Variants in PEBP4 observed in about 807,000 individuals in gnomAD.
The protein encoded by PEBP4 is phosphatidylethanolamine binding protein 4, also known as phosphatidylethanolamine-binding protein 4.
A neutral mutation model predicts 23.9 loss-of-function variants in PEBP4; 22 were observed. The ratio of observed to expected loss-of-function variants is 0.92; its 90% confidence interval spans 0.66 to 1.31. PEBP4 has a LOEUF of 1.31. Among genes scored for constraint, PEBP4 ranks in the 40% most tolerant of loss-of-function variants. The pLI, the probability that PEBP4 is intolerant of heterozygous loss-of-function variation, is 0.00. For missense variants in PEBP4, 324 were observed against 281.7 expected, an observed-to-expected ratio of 1.15 and a Z score of -1.07; for synonymous variants, 112 against 99.3, an observed-to-expected ratio of 1.13 and a Z score of -0.76.
intron 4 of PEBP4, among the ~76,000 whole-genome samples, chr8:22,759,445 G>A (rs1202929961): frequency 6.6e-6 from 1 of 151,584 alleles, no homozygotes; most frequent in African/African-American, 2.4e-5. Context: ...TCTGCATATC[G>A]GGCGCTGGGC....
At position 22,842,694 on chromosome 8, in the gene PEBP4, C is replaced by T. The variant is rs527249541; in HGVS notation, c.259-24959G>A. ...CAGGGCCGTTCCTACTGCCATAAGA[C>T]GCAGGGCTGGCTTCACCTGCGTGCA... is the stretch of plus-strand genomic sequence containing the variant. On this transcript the variant is annotated intron_variant, in intron 3 of 6. Transcript: ENST00000256404. 1.3e-4 allele frequency among the ~76,000 whole-genome samples: 20 copies of T among 152,296 alleles called. No individual in the cohort carries two copies. The East Asian group carries it at 2.3e-3, about 18-fold the overall frequency.
At chr8:22,939,459 A>T (rs2430817) in intron 1 of PEBP4, among the ~76,000 whole-genome samples, 1 of 152,046 alleles carries the variant, frequency 6.6e-6, no homozygotes, top group Admixed American at 6.6e-5. Flanking sequence ...TATTATTCTT[A>T]ATTGGCCTTA....
At chr8:22,765,012 A>G (rs1805578133) in intron 4 of PEBP4, among the ~76,000 whole-genome samples, 1 of 152,042 alleles carries the variant, frequency 6.6e-6, no homozygotes, top group Non-Finnish European at 1.5e-5. Flanking sequence ...GGTCCTGCAA[A>G]TCGCGGTTCT....
intron 4 of PEBP4, chr8:22,815,051 G>A (rs1806709643): frequency 6.6e-6 from 1 of 152,128 alleles, no homozygotes; most frequent in African/African-American, 2.4e-5. Context: ...GCGGATTGAA[G>A]ACTCACCTCT....
chr8:22,880,269 T>C (rs1808219837), intron 3 of PEBP4, among the ~76,000 whole-genome samples: 1 of 152,150 alleles, frequency 6.6e-6, no homozygotes. Context: ...CATGTGACCT[T>C]AGCCACCTCA....
intron 4 of PEBP4, among the ~76,000 whole-genome samples, chr8:22,814,367 C>G (rs937794697): frequency 3.3e-5 from 5 of 152,226 alleles, no homozygotes; most frequent in African/African-American, 1.2e-4. Flanking sequence ...AATGCCCGGT[C>G]CCTACTGCCA....
intron 3 of PEBP4, among the ~76,000 whole-genome samples, chr8:22,897,035 G>A (rs926871573): frequency 1.3e-5 from 2 of 149,010 alleles, no homozygotes; most frequent in Non-Finnish European, 3.0e-5. Flanking sequence ...GTATGTGTGT[G>A]TGTGTGTGTG....
At chr8:22,784,021 G>T (rs1417436839) in intron 4 of PEBP4, among the ~76,000 whole-genome samples, 1 of 152,192 alleles carries the variant, frequency 6.6e-6, no homozygotes, top group Admixed American at 6.5e-5. Context: ...CCCCAGAGTG[G>T]CTCTCATTGA....
intron 4 of PEBP4, among the ~76,000 whole-genome samples, chr8:22,768,642 C>T (rs892844765): frequency 2.0e-5 from 3 of 150,358 alleles, no homozygotes; most frequent in African/African-American, 7.4e-5. Context: ...CCAGTCAATA[C>T]GGAGCCTTTT....
chr8:22,821,981 T>A, intron 3 of PEBP4, among the ~76,000 whole-genome samples: 1 of 38,686 alleles, frequency 2.6e-5, no homozygotes, highest in African/African-American at 7.4e-5. Flanking sequence ...CAAGACCTCG[T>A]CTCAAAAAAA....
intron 3 of PEBP4, among the ~76,000 whole-genome samples, chr8:22,864,240 A>G (rs1220932963): frequency 1.3e-5 from 2 of 152,238 alleles, no homozygotes; most frequent in African/African-American, 4.8e-5. Context: ...GATTATAAAC[A>G]GGACAAACAC....
At chr8:22,928,505 A>G (rs192236449), upstream of PEBP4, among the ~76,000 whole-genome samples, 1 of 152,290 alleles carries the variant, frequency 6.6e-6, no homozygotes, top group East Asian at 1.9e-4. Flanking sequence ...GGCCTGCCCC[A>G]GCAGTGCACT....
intron 3 of PEBP4, among the ~76,000 whole-genome samples, chr8:22,821,108 G>A (rs1190413870): frequency 6.6e-6 from 1 of 152,092 alleles, no homozygotes; most frequent in Non-Finnish European, 1.5e-5. Flanking sequence ...TGGAAGGATC[G>A]CTTGAGCCCA....
In PEBP4 at chr8:22,750,363, G is replaced by C. The variant is rs575127375; in HGVS notation, c.358-23143C>G. ...GATCCACCCGCTGTGGCCTCCCAAA[G>C]TGCTGGGATTACAGGCGTGAGCCAC... On this transcript the variant is annotated intron_variant, in intron 4 of 6. Transcript: ENST00000256404. Among the ~76,000 whole-genome samples, 18 of 152,310 alleles carry C rather than the reference G, an allele frequency of 1.2e-4. No homozygotes were observed. In the South Asian group the frequency reaches 3.7e-3, roughly 32 times the overall value.
At chr8:22,892,432 G>A (rs1245083912) in intron 3 of PEBP4, among the ~76,000 whole-genome samples, 1 of 152,128 alleles carries the variant, frequency 6.6e-6, no homozygotes, top group East Asian at 1.9e-4. Context: ...AGGCCAGTTT[G>A]GTGGCTTCAT....
intron 3 of PEBP4, among the ~76,000 whole-genome samples, chr8:22,821,573 A>G (rs1406226155): frequency 6.6e-6 from 1 of 152,200 alleles, no homozygotes; most frequent in Non-Finnish European, 1.5e-5. Flanking sequence ...CGCTCTCTCA[A>G]GACTTGGCAA....
At chr8:22,817,606 T>A in intron 4 of PEBP4, 31 bp downstream of exon 4, 2 of 1,581,428 alleles carry the variant, frequency 1.3e-6, no homozygotes, top group Non-Finnish European at 1.7e-6. Flanking sequence ...CAACCCCAAA[T>A]GCGTCAGAGA....
chr8:22,719,082 C>A (rs1021310341), intron 6 of PEBP4, among the ~76,000 whole-genome samples: 1 of 152,148 alleles, frequency 6.6e-6, no homozygotes, highest in Non-Finnish European at 1.5e-5. Context: ...TCCTCTCTGA[C>A]CCCTGTGGGT....
chr8:22,732,306 A>G (rs957292297), intron 4 of PEBP4, among the ~76,000 whole-genome samples: 8 of 152,190 alleles, frequency 5.3e-5, no homozygotes, highest in African/African-American at 1.9e-4. Flanking sequence ...GGGTATAAGA[A>G]AAATAGTAGT....
Sources: allele counts gnomAD v4.1 joint callset (sites outside exome capture counted in the v4.1 genomes callset), GRCh38; gene constraint gnomAD v4.1.1; transcripts MANE v1.5; gene names NCBI Gene and HGNC (gene_info 2026-07-23, HGNC 2026-07-21).